Variants in HMGCLL1 observed in about 807,000 individuals in gnomAD.
HMGCLL1 encodes 3-hydroxy-3-methylglutaryl-CoA lyase like 1.
HMGCLL1 carries 36 observed loss-of-function variants against 39.1 expected under a neutral mutation model. The ratio of observed to expected loss-of-function variants is 0.92; its 90% CI spans 0.71 to 1.22. HMGCLL1 has a LOEUF of 1.22. Ranked by LOEUF, HMGCLL1 falls within the 50% of genes most tolerant of loss-of-function variation. The pLI is 0.00. For synonymous variants in HMGCLL1, 149 were observed against 144.0 expected (o/e 1.03, Z -0.25); for missense variants, 451 against 416.5 (o/e 1.08, Z -0.72).
At chr6:55,665,397 T>C in the HMGCLL1 span, among the ~76,000 whole-genome samples, 1 of 151,716 alleles carries the variant, frequency 6.6e-6, no homozygotes, top group Admixed American at 6.6e-5. Context: ...TAAGTTTTCA[T>C]TCATCAGGGC....
the HMGCLL1 span, among the ~76,000 whole-genome samples, chr6:55,674,309 T>C: frequency 1.3e-5 from 2 of 151,610 alleles, no homozygotes; most frequent in Admixed American, 6.6e-5. Flanking sequence ...GTAGAATAAA[T>C]GATTTGCTGA....
At chr6:55,598,136 A>T in the HMGCLL1 span, among the ~76,000 whole-genome samples, 1 of 152,130 alleles carries the variant, frequency 6.6e-6, no homozygotes, top group Non-Finnish European at 1.5e-5. Flanking sequence ...TCAAATAATA[A>T]TAATAGAATA....
intron 3 of HMGCLL1, among the ~76,000 whole-genome samples, chr6:55,536,487 T>C (rs1220221718): frequency 6.6e-6 from 1 of 152,232 alleles, no homozygotes; most frequent in Admixed American, 6.5e-5. Flanking sequence ...TAAAAGATTA[T>C]TGTATTTACA....
chr6:55,628,614 A>G, the HMGCLL1 span, among the ~76,000 whole-genome samples: 1 of 151,856 alleles, frequency 6.6e-6, no homozygotes, highest in Non-Finnish European at 1.5e-5. Flanking sequence ...CAAGGTTTCC[A>G]CTGAAAAGTC....
At chr6:55,623,032 T>C in the HMGCLL1 span, among the ~76,000 whole-genome samples, 1 of 152,148 alleles carries the variant, frequency 6.6e-6, no homozygotes, top group African/African-American at 2.4e-5. Flanking sequence ...TTCTAGGATT[T>C]CCAATTTATT....
At chr6:55,543,429 C>A (rs1400571933) in intron 1 of HMGCLL1, among the ~76,000 whole-genome samples, 26 of 55,084 alleles carry the variant, frequency 4.7e-4, no homozygotes, top group Non-Finnish European at 5.2e-4. Flanking sequence ...TGATATATAT[C>A]ATATATCATA....
chr6:55,545,735 T>C (rs142460096), intron 1 of HMGCLL1, among the ~76,000 whole-genome samples: 2,008 of 152,258 alleles, frequency 0.013, 31 homozygotes, highest in Non-Finnish European at 0.023. Flanking sequence ...TTCTACGTGC[T>C]TGTATAACAT....
chr6:55,453,894 A>G (rs1475076777), intron 7 of HMGCLL1, among the ~76,000 whole-genome samples: 1 of 152,210 alleles, frequency 6.6e-6, no homozygotes, highest in African/African-American at 2.4e-5. Flanking sequence ...CTTAACAACA[A>G]CTTAATAGAG....
At chr6:55,655,463 A>G in the HMGCLL1 span, among the ~76,000 whole-genome samples, 1 of 151,744 alleles carries the variant, frequency 6.6e-6, no homozygotes, top group Admixed American at 6.6e-5. Context: ...CAACGTTTAA[A>G]TATGTTGCAG....
the HMGCLL1 span, among the ~76,000 whole-genome samples, chr6:55,611,414 A>C: frequency 6.6e-6 from 1 of 152,188 alleles, no homozygotes; most frequent in African/African-American, 2.4e-5. Context: ...ATTCCTTCTG[A>C]AACTATTCCA....
the HMGCLL1 span, among the ~76,000 whole-genome samples, chr6:55,633,078 G>A: frequency 6.6e-6 from 1 of 152,040 alleles, no homozygotes; most frequent in Admixed American, 6.6e-5. Context: ...AAAAATGACT[G>A]TAAATGTGAA....
the HMGCLL1 span, among the ~76,000 whole-genome samples, chr6:55,666,489 A>T: frequency 2.0e-5 from 3 of 151,698 alleles, no homozygotes; most frequent in African/African-American, 7.3e-5. Context: ...AAGAAAAAAA[A>T]ATTACATGTT....
At chr6:55,645,389 T>C in the HMGCLL1 span, among the ~76,000 whole-genome samples, 4 of 152,030 alleles carry the variant, frequency 2.6e-5, no homozygotes, top group Non-Finnish European at 5.9e-5. Flanking sequence ...ATGCCTTTAC[T>C]TCTTTCTCTT....
intron 7 of HMGCLL1, among the ~76,000 whole-genome samples, chr6:55,473,047 T>G (rs1190447438): frequency 1.3e-5 from 2 of 151,528 alleles, no homozygotes; most frequent in Non-Finnish European, 3.0e-5. Flanking sequence ...TTTCTAAAAT[T>G]AATATTGCTA....
the HMGCLL1 span, among the ~76,000 whole-genome samples, chr6:55,608,791 G>A: frequency 4.6e-5 from 7 of 152,330 alleles, no homozygotes; most frequent in East Asian, 5.8e-4. Context: ...GCGAAGCCAA[G>A]ATGGCCAACT....
At chr6:55,599,006 C>A in the HMGCLL1 span, among the ~76,000 whole-genome samples, 1 of 152,112 alleles carries the variant, frequency 6.6e-6, no homozygotes, top group African/African-American at 2.4e-5. Context: ...AGCAAACTAA[C>A]ACAGGAACAG....
chr6:55,649,334 A>G, the HMGCLL1 span, among the ~76,000 whole-genome samples: 1 of 151,714 alleles, frequency 6.6e-6, no homozygotes. Flanking sequence ...TCATGCTTAA[A>G]GGACATTTGC....
At chr6:55,445,656 GCA>G (rs869241310) in intron 7 of HMGCLL1, among the ~76,000 whole-genome samples, 1 of 135,804 alleles carries the variant, frequency 7.4e-6, no homozygotes, top group Non-Finnish European at 1.6e-5. Context: ...TGGTGTGCAT[GCA>G]TGTGTGTGTG....
chr6:55,587,295 C>A, the HMGCLL1 span, among the ~76,000 whole-genome samples: 3 of 151,894 alleles, frequency 2.0e-5, no homozygotes, highest in Non-Finnish European at 4.4e-5. Flanking sequence ...TGGATATTAG[C>A]CTTTTGTCAG....
Sources: gnomAD v4.1 joint callset for allele counts (sites outside exome capture counted in the v4.1 genomes callset) on GRCh38, gnomAD v4.1.1 for gene constraint, MANE v1.5 for transcripts, NCBI Gene and HGNC (gene_info 2026-07-23, HGNC 2026-07-21) for gene names.